C15orf39: variants seen among roughly 807,000 people sequenced by gnomAD.
C15orf39 encodes the protein uncharacterized protein C15orf39.
Under a neutral mutation model 53.9 loss-of-function variants are expected in C15orf39, and 24 were observed. That is an observed-to-expected ratio of 0.45 (90% confidence interval 0.32 to 0.63). The LOEUF is 0.63. Among genes scored for constraint, C15orf39 ranks in the 20% least tolerant of loss-of-function variants. The pLI is 0.04. For missense variants in C15orf39, 1,271 were observed against 1,347.9 expected (o/e 0.94, Z 0.89); for synonymous variants, 569 against 576.5 (o/e 0.99, Z 0.19).
In C15orf39 at chr15:75,206,214, C is replaced by T. The variant is rs767798047; in HGVS notation, c.166C>T (p.Pro56Ser). 11 of 1,613,992 alleles carry T rather than the reference C, an allele frequency of 6.8e-6. No individual in the cohort carries two copies. Among genetic ancestry groups the T allele is most frequent in the Middle Eastern group, 1.6e-4 (1 of 6,084 alleles). Residue 56 changes from proline (P) to serine (S), a missense_variant, in exon 2 of 3, where the codon CCT (proline) becomes TCT (serine). Physicochemically the swap from Pro to Ser is moderately conservative, Grantham distance 74. Around this residue, in one of 2 missense-constraint regions of C15orf39, gnomAD observed 994 missense variants for 993.7 expected, o/e 1.00. Transcript: ENST00000394987. ...CTTCTCCTGCCCCATGGCAGGTACTCCTAAGGCCGAGTCTGAGCAGTTGGC... is the reference window on the plus strand; with the variant it reads ...CTTCTCCTGCCCCATGGCAGGTACTTCTAAGGCCGAGTCTGAGCAGTTGGC... ...SYFSCPMAGT[P>S]KAESEQLASW...
upstream of C15orf39, among the ~76,000 whole-genome samples, chr15:75,200,608 C>T (rs2070394833): frequency 6.6e-6 from 1 of 152,122 alleles, no homozygotes; most frequent in Admixed American, 6.5e-5. Flanking sequence ...TGGTGTGACC[C>T]CTAGCTGTCC....
intron 2 of C15orf39, among the ~76,000 whole-genome samples, chr15:75,210,224 C>T (rs1422771357): frequency 6.6e-6 from 1 of 152,182 alleles, no homozygotes; most frequent in African/African-American, 2.4e-5. Flanking sequence ...GTCCTCACTC[C>T]CTCCCACCTT....
In C15orf39 at chr15:75,211,524, T is replaced by G. The variant is rs1426740916; in HGVS notation, c.*408T>G. ...GCCTGATACATACCCTGTCACCATT[T>G]GGTCTCTGCTTCCTCTCTGGGACAG... On this transcript the variant is annotated 3_prime_UTR_variant, in exon 3 of 3. Coordinates refer to ENST00000394987, the MANE Select transcript of C15orf39 (RefSeq NM_015492.5). The G allele has an allele frequency of 5.8e-6, 1 of 173,424 alleles. No homozygotes were observed. Among genetic ancestry groups the G allele is most frequent in the East Asian group, 1.6e-4 (1 of 6,154 alleles). 10.7% of individuals were successfully genotyped at this position (173,424 alleles called of 1,614,324 possible).
rs766046216 is a variant in C15orf39, at chr15:75,206,415, C to G, written c.367C>G (p.Pro123Ala). The change falls in exon 2 of 3, where the codon CCA (proline) becomes GCA (alanine). Residue 123 changes from proline to alanine, a missense_variant. By Grantham distance (27) the Pro-to-Ala change is conservative. This residue lies in a region of C15orf39 where 994 missense variants were observed against 993.7 expected (regional missense o/e 1.00). Coordinates refer to ENST00000394987, the MANE Select transcript of C15orf39 (RefSeq NM_015492.5). ...LPFSPQAHSY[P>A]GPPLAAPKPV... ...CTTCAGTCCCCAGGCTCACTCCTAC[C>G]CAGGCCCACCACTGGCAGCACCCAA... 1 of 1,613,888 alleles carries G rather than the reference C, an allele frequency of 6.2e-7. No homozygotes were observed. The highest frequency in any genetic ancestry group is 8.5e-7 in the Non-Finnish European group (1 of 1,179,946).
chr15:75,206,771 A>G lies in C15orf39; in HGVS notation c.723A>G (p.Ala241=). The part of the protein sequence containing the change: ...TGPYPRNSKQ[A]MSEGPSSPWT... ...CTTACCCTAGGAACTCCAAGCAAGC[A>G]ATGTCTGAGGGGCCCTCAAGTCCTT... Residue 241 remains alanine, a synonymous_variant, in exon 2 of 3, where the codon GCA becomes GCG. Transcript: ENST00000394987. 6.2e-7 allele frequency: 1 copy of G among 1,612,456 alleles called. No individual in the cohort carries two copies. Among genetic ancestry groups the G allele is most frequent in the South Asian group, 1.1e-5 (1 of 91,008 alleles).
intron 1 of C15orf39, among the ~76,000 whole-genome samples, chr15:75,203,399 T>C (rs1320741893): frequency 6.6e-6 from 1 of 152,228 alleles, no homozygotes; most frequent in African/African-American, 2.4e-5. Flanking sequence ...TCCGAGAGCT[T>C]GCTTGCCTCA....
rs753578475 is a variant in C15orf39 at position 75,206,534 on chromosome 15, G to A, written c.486G>A (p.Ala162=). ...CACTGGATGTTGACTGGACTCTGGC[G>A]ACTGGGCCCCTGTTGCCCTCAGCTG... The part of the protein sequence containing the change: ...KRPLDVDWTL[A]TGPLLPSADP... Residue 162 remains alanine, a synonymous_variant, in exon 2 of 3, where the codon GCG becomes GCA. Transcript: ENST00000394987. The A allele has an allele frequency of 1.3e-5, 21 of 1,613,910 alleles. No homozygotes were observed. The highest frequency in any genetic ancestry group is 5.0e-5 in the Admixed American group (3 of 59,988).
chr15:75,207,768 C>G lies in C15orf39; in HGVS notation c.1720C>G (p.Leu574Val). 1.9e-6 allele frequency: 3 copies of G among 1,610,942 alleles called. No homozygotes were observed. The highest frequency in any genetic ancestry group is 4.5e-5 in the East Asian group (2 of 44,824). The change falls in exon 2 of 3, where the codon CTG becomes GTG. Residue 574 changes from leucine to valine, a missense_variant. Coordinates refer to ENST00000394987, the MANE Select transcript of C15orf39 (RefSeq NM_015492.5). Reference protein sequence around the residue: ...LRGSLKEEVALDLSVRKPTAE... With the variant: ...LRGSLKEEVAVDLSVRKPTAE... ...GGGCTCACTTAAGGAGGAGGTAGCC[C>G]TGGATTTGAGTGTGAGGAAGCCCAC...
Position 75,208,191 on chromosome 15 carries a change from G to C in C15orf39, c.2143G>C (p.Ala715Pro). The C allele has an allele frequency of 6.2e-7, 1 of 1,613,942 alleles. No individual in the cohort carries two copies. The highest frequency in any genetic ancestry group is 8.5e-7 in the Non-Finnish European group (1 of 1,180,018). ...GGCACTGCCCAGCCCTCCAGCCGTA[G>C]CTGTGGCCTCCCCTGCCCCTGCTCC... ...SLALPSPPAV[A>P]VASPAPAPAP... is the part of the protein sequence containing the mutation. Residue 715 changes from alanine (A) to proline (P), a missense_variant, in exon 2 of 3, where the codon GCT becomes CCT. Physicochemically the swap from Ala to Pro is conservative, Grantham distance 27. This residue lies in a region of C15orf39 where 994 missense variants were observed against 993.7 expected (regional missense o/e 1.00). Transcript: ENST00000394987.
chr15:75,207,477 C>T lies in C15orf39; in HGVS notation c.1429C>T (p.Pro477Ser). Residue 477 changes from proline (P) to serine (S), a missense_variant, in exon 2 of 3, where the codon CCC (proline) becomes TCC (serine). By Grantham distance (74) the Pro-to-Ser change is moderately conservative (BLOSUM62 -1). Around this residue, in one of 2 missense-constraint regions of C15orf39, gnomAD observed 994 missense variants for 993.7 expected, o/e 1.00. Coordinates refer to ENST00000394987, the MANE Select transcript of C15orf39 (RefSeq NM_015492.5). ...AGTTCCCTGTACCCCCCCAGCACTG[C>T]CCCCCTGTGCCCGGGAGTGCCAGTC... is the stretch of plus-strand genomic sequence containing the variant. Reference protein sequence around the residue: ...SPVPCTPPALPPCARECQSLP... With the variant: ...SPVPCTPPALSPCARECQSLP... The T allele has an allele frequency of 1.2e-6, 2 of 1,613,568 alleles. No individual in the cohort carries two copies. Among genetic ancestry groups the T allele is most frequent in the South Asian group, 1.1e-5 (1 of 91,064 alleles).
intron 2 of C15orf39, 147 bp from the exon 3 acceptor site, chr15:75,210,602 G>C (rs1338781724): frequency 8.4e-7 from 1 of 1,195,926 alleles, no homozygotes; most frequent in African/African-American, 1.5e-5. Context: ...TGCTTGGATG[G>C]TCTGGCCAGT....
In C15orf39 at chr15:75,211,084, C is replaced by A; in HGVS notation, c.3112C>A (p.Gln1038Lys). 1 of 1,600,836 alleles carries A rather than the reference C, an allele frequency of 6.2e-7. No individual in the cohort carries two copies. The highest frequency in any genetic ancestry group is 8.5e-7 in the Non-Finnish European group (1 of 1,179,684). ...SRPDQPSPCP[Q>K]LLDSQSHHL is the part of the protein sequence containing the mutation. ...ACCAGACCAGCCCTCACCCTGCCCA[C>A]AGCTGCTGGACAGCCAGAGCCATCA... is the stretch of plus-strand genomic sequence containing the variant. Residue 1038 changes from glutamine (Q) to lysine (K), a missense_variant, in exon 3 of 3, where the codon CAG becomes AAG. Gln to Lys is a moderately conservative substitution (Grantham distance 53). Transcript: ENST00000394987.
chr15:75,206,262 T>A lies in C15orf39; in HGVS notation c.214T>A (p.Leu72Met). 1.9e-6 allele frequency: 3 copies of A among 1,614,060 alleles called. No individual in the cohort carries two copies. The highest frequency in any genetic ancestry group is 2.5e-6 in the Non-Finnish European group (3 of 1,179,962). Reference sequence around the variant, plus strand: ...GGCGTCCTGGACCCCATACCCACCCTTGTACTCTACCGGTATGGCAGGACC... The same window carrying A: ...GGCGTCCTGGACCCCATACCCACCCATGTACTCTACCGGTATGGCAGGACC... ...QLASWTPYPP[L>M]YSTGMAGPPL... Residue 72 changes from leucine (L) to methionine (M), a missense_variant, in exon 2 of 3, where the codon TTG becomes ATG. Around this residue, in one of 2 missense-constraint regions of C15orf39, gnomAD observed 994 missense variants for 993.7 expected, o/e 1.00. Transcript: ENST00000394987.
At chr15:75,201,836 T>TCGCCCCGCCCC (rs970969912), upstream of C15orf39, 3 of 150,804 alleles carry the variant, frequency 2.0e-5, no homozygotes, top group Non-Finnish European at 4.4e-5. The surrounding 1 kb of genome is among the most constrained non-coding windows in gnomAD (Gnocchi z 4.7). Flanking sequence ...ACCCTGCGAG[T>TCGCCCCGCCCC]CGCCCCGCCC....
intron 1 of C15orf39, among the ~76,000 whole-genome samples, chr15:75,203,602 G>A (rs1056312345): frequency 1.3e-5 from 2 of 152,184 alleles, no homozygotes; most frequent in Admixed American, 6.5e-5. Context: ...GAGGGTCCCA[G>A]GTGGTTTCCT....
At position 75,211,244 on chromosome 15, in the gene C15orf39, C is replaced by A; in HGVS notation, c.*128C>A. On this transcript the variant is annotated 3_prime_UTR_variant, in exon 3 of 3. Coordinates refer to ENST00000394987, the MANE Select transcript of C15orf39 (RefSeq NM_015492.5). The stretch of plus-strand genomic sequence containing the variant: ...TCCCCTGGAGGGGTTCCATCTCTGA[C>A]CCTGTGGCCCATTCAGGGTGGGCTG... The A allele has an allele frequency of 7.6e-7, 1 of 1,312,412 alleles. No individual in the cohort carries two copies. Among genetic ancestry groups the A allele is most frequent in the Admixed American group, 2.5e-5 (1 of 40,278 alleles). The allele number at this position is 1,312,412 out of a possible 1,614,324, so 81.3% of individuals were successfully genotyped here.
chr15:75,210,322 C>T (rs1003922496), intron 2 of C15orf39, among the ~76,000 whole-genome samples: 7 of 152,178 alleles, frequency 4.6e-5, no homozygotes, highest in Non-Finnish European at 1.0e-4. Flanking sequence ...CAGCATGGCT[C>T]TTAGGACAGT....
intron 2 of C15orf39, among the ~76,000 whole-genome samples, chr15:75,210,296 G>A (rs1010551859): frequency 6.6e-6 from 1 of 152,154 alleles, no homozygotes; most frequent in Non-Finnish European, 1.5e-5. Flanking sequence ...GTTGTGGGTG[G>A]GTTCCTGTGC....
In C15orf39 at chr15:75,206,762, C is replaced by T. The variant is rs772462766; in HGVS notation, c.714C>T (p.Ser238=). ...ACACAGGTCCTTACCCTAGGAACTC[C>T]AAGCAAGCAATGTCTGAGGGGCCCT... The part of the protein sequence containing the change: ...SRYTGPYPRN[S]KQAMSEGPSS... The change falls in exon 2 of 3, where the codon TCC becomes TCT. Residue 238 remains serine (S), a synonymous_variant. Coordinates refer to ENST00000394987, the MANE Select transcript of C15orf39 (RefSeq NM_015492.5). 7.4e-6 allele frequency: 12 copies of T among 1,612,790 alleles called. No homozygotes were observed. Among genetic ancestry groups the T allele is most frequent in the Non-Finnish European group, 1.0e-5 (12 of 1,179,452 alleles).
Sources: gnomAD v4.1 joint callset for allele counts (sites outside exome capture counted in the v4.1 genomes callset) on GRCh38, gnomAD v4.1.1 for gene constraint, gnomAD v4.1.1 regional missense constraint, Gnocchi (gnomAD v3.1) non-coding constraint, MANE v1.5 for transcripts, NCBI Gene and HGNC (gene_info 2026-07-23, HGNC 2026-07-21) for gene names.